CACNB4: variants seen among roughly 807,000 people sequenced by gnomAD.
CACNB4 encodes the protein calcium voltage-gated channel auxiliary subunit beta 4, also known as voltage-dependent L-type calcium channel subunit beta-4.
Under a neutral mutation model 71.2 loss-of-function variants are expected in CACNB4, and 32 were observed. The ratio of observed to expected loss-of-function variants is 0.45; its 90% CI spans 0.34 to 0.60. The LOEUF is 0.60. CACNB4 is among the 20% of genes least tolerant of loss of function. The pLI, the probability that CACNB4 is intolerant of heterozygous loss-of-function variation, is 0.01. For synonymous variants in CACNB4, 231 were observed against 236.9 expected (o/e 0.97, Z 0.23); for missense variants, 464 against 647.9 (o/e 0.72, Z 3.08).
chr2:152,059,773 G>A (rs1003753031), intron 2 of CACNB4, among the ~76,000 whole-genome samples: 5 of 152,202 alleles, frequency 3.3e-5, no homozygotes, highest in Non-Finnish European at 7.3e-5. Flanking sequence ...GGAGAGGCCA[G>A]GGGCAGAATG....
chr2:152,048,288 G>A (rs58147624), intron 2 of CACNB4, among the ~76,000 whole-genome samples: 36,536 of 152,002 alleles, frequency 0.24, 5,543 homozygotes, highest in East Asian at 0.76. Context: ...CTGAGAACCC[G>A]TGGGTTAAAG....
intron 2 of CACNB4, among the ~76,000 whole-genome samples, chr2:151,962,649 A>C (rs1307575247): frequency 1.3e-5 from 2 of 152,210 alleles, no homozygotes; most frequent in African/African-American, 4.8e-5. Context: ...GAACACTAAC[A>C]TTTCCCTAAA....
intron 13 of CACNB4, among the ~76,000 whole-genome samples, chr2:151,840,926 G>T (rs906740925): frequency 2.0e-5 from 3 of 152,142 alleles, no homozygotes; most frequent in African/African-American, 7.2e-5. Context: ...ATGTAGAAAG[G>T]CAGGCTCATT....
At chr2:152,096,300 G>A (rs896843291) in intron 2 of CACNB4, among the ~76,000 whole-genome samples, 1 of 151,270 alleles carries the variant, frequency 6.6e-6, no homozygotes, top group African/African-American at 2.4e-5. Flanking sequence ...TGGCTAACAC[G>A]GTGAAACCCT....
At chr2:151,928,098 G>A (rs760909574) in intron 2 of CACNB4, among the ~76,000 whole-genome samples, 7 of 152,138 alleles carry the variant, frequency 4.6e-5, no homozygotes, top group African/African-American at 1.4e-4. Flanking sequence ...CATCAGCTCC[G>A]GCTGCTCAGG....
intron 2 of CACNB4, among the ~76,000 whole-genome samples, chr2:152,081,023 A>G (rs1687330928): frequency 6.6e-6 from 1 of 152,126 alleles, no homozygotes. Context: ...TGCAAGCCAA[A>G]ATATGTGAGC....
chr2:152,087,205 T>C (rs1021242647), intron 2 of CACNB4, among the ~76,000 whole-genome samples: 11 of 151,412 alleles, frequency 7.3e-5, no homozygotes, highest in African/African-American at 2.7e-4. Flanking sequence ...GGCCAAGGCC[T>C]GATCACCTAG....
intron 2 of CACNB4, among the ~76,000 whole-genome samples, chr2:151,949,840 G>T (rs113051380): frequency 0.018 from 2,802 of 152,188 alleles, 100 homozygotes; most frequent in African/African-American, 0.062. Flanking sequence ...TTAAGGTCAG[G>T]AGTTCGAGAC....
At chr2:152,078,930 T>C (rs1157517786) in intron 2 of CACNB4, among the ~76,000 whole-genome samples, 1 of 152,172 alleles carries the variant, frequency 6.6e-6, no homozygotes, top group East Asian at 1.9e-4. Flanking sequence ...CAAGCCAGTG[T>C]GTGGTCCACC....
intron 2 of CACNB4, among the ~76,000 whole-genome samples, chr2:151,893,595 T>C (rs948282153): frequency 6.6e-6 from 1 of 152,060 alleles, no homozygotes; most frequent in Non-Finnish European, 1.5e-5. Context: ...GGCAATATTA[T>C]ATATATAACA....
intron 2 of CACNB4, among the ~76,000 whole-genome samples, chr2:152,007,130 G>T (rs1419216342): frequency 2.0e-5 from 3 of 152,094 alleles, no homozygotes; most frequent in Non-Finnish European, 4.4e-5. Flanking sequence ...ATCCCTCTCC[G>T]CTGACAACTC....
chr2:152,061,038 T>C (rs556817209), intron 2 of CACNB4, among the ~76,000 whole-genome samples: 45 of 152,324 alleles, frequency 3.0e-4, no homozygotes, highest in Non-Finnish European at 5.9e-4. Flanking sequence ...CTGGGCAAGA[T>C]AGTTCATGCC....
chr2:151,904,679 C>T (rs2099854329), intron 2 of CACNB4, among the ~76,000 whole-genome samples: 1 of 152,000 alleles, frequency 6.6e-6, no homozygotes, highest in Admixed American at 6.6e-5. Flanking sequence ...GGACTACAGG[C>T]ACATACCACC....
intron 2 of CACNB4, among the ~76,000 whole-genome samples, chr2:151,896,821 T>C (rs969583291): frequency 8.5e-5 from 13 of 152,214 alleles, no homozygotes; most frequent in Non-Finnish European, 1.6e-4. Flanking sequence ...ACTGATGTTA[T>C]CTAATTTAGT....
intron 2 of CACNB4, among the ~76,000 whole-genome samples, chr2:151,945,737 T>C (rs1168727904): frequency 2.0e-5 from 3 of 151,904 alleles, no homozygotes; most frequent in East Asian, 1.9e-4. Context: ...AATGAGTTAA[T>C]ATATGTAAAG....
intron 2 of CACNB4, among the ~76,000 whole-genome samples, chr2:151,948,140 C>T (rs1209841905): frequency 6.6e-6 from 1 of 151,350 alleles, no homozygotes; most frequent in Non-Finnish European, 1.5e-5. Context: ...TAGGAACAAA[C>T]CGGGTGTCAT....
chr2:151,967,704 G>A (rs139327130), intron 2 of CACNB4: 1 of 151,056 alleles, frequency 6.6e-6, no homozygotes, highest in Non-Finnish European at 1.5e-5. Context: ...ACACAGACAA[G>A]CTCCTGAGTA....
At chr2:151,843,431 C>T (rs1305643632) in intron 12 of CACNB4, among the ~76,000 whole-genome samples, 4 of 152,176 alleles carry the variant, frequency 2.6e-5, no homozygotes, top group Admixed American at 1.3e-4. Flanking sequence ...CCTCCCACCT[C>T]GGCTTCCTGA....
intron 2 of CACNB4, among the ~76,000 whole-genome samples, chr2:151,889,465 C>CAA (rs55990443): frequency 9.7e-4 from 92 of 94,638 alleles, no homozygotes; most frequent in East Asian, 3.2e-3. Context: ...GACTCTGTCT[C>CAA]AAAAAAAAAA....
Sources: allele counts gnomAD v4.1 joint callset (sites outside exome capture counted in the v4.1 genomes callset), GRCh38; gene constraint gnomAD v4.1.1; transcripts MANE v1.5; gene names NCBI Gene and HGNC (gene_info 2026-07-23, HGNC 2026-07-21).